Variants in ATXN2 observed in about 807,000 individuals in gnomAD.
The protein encoded by ATXN2 is ataxin 2, also known as ataxin-2.
In ATXN2, 37 loss-of-function variants were observed where a neutral mutation model predicts 138.6. The ratio of observed to expected loss-of-function variants is 0.27; its 90% CI spans 0.21 to 0.35. The LOEUF (loss-of-function observed/expected upper bound fraction) is 0.35. ATXN2 is among the 10% of genes least tolerant of loss of function. The pLI is 1.00. For missense variants in ATXN2, 1,216 were observed against 1,480.3 expected, an observed-to-expected ratio of 0.82 and a Z score of 2.93; for synonymous variants, 549 against 543.7, an observed-to-expected ratio of 1.01 and a Z score of -0.13.
chr12:111,497,924 G>A (rs753353470), intron 14 of ATXN2, among the ~76,000 whole-genome samples: 1 of 152,100 alleles, frequency 6.6e-6, no homozygotes, highest in Non-Finnish European at 1.5e-5. Flanking sequence ...GCTGAGGCAG[G>A]AGAACGGCAT....
chr12:111,470,912 T>G, intron 18 of ATXN2, 170 bp from the exon 19 acceptor site: 6 of 650,978 alleles, frequency 9.2e-6, no homozygotes, highest in East Asian at 2.8e-5. Flanking sequence ...TCATGCATGC[T>G]AGTCCTCAGC....
rs761131987 is a variant in ATXN2, at chr12:111,599,041, G to A, written c.-7C>T. 1 of 1,473,938 alleles carries A rather than the reference G, an allele frequency of 6.8e-7. No homozygotes were observed. The highest frequency in any genetic ancestry group is 9.0e-7 in the Non-Finnish European group (1 of 1,115,010). 91.3% of individuals were successfully genotyped at this position (1,473,938 alleles called of 1,614,324 possible). On this transcript the variant is annotated 5_prime_UTR_variant, in exon 1 of 25. Transcript: ENST00000673436. ...GCTGGGGCTTCAGCGACATGGTGAGGGGCCCATACACCGGCTCGCACGCCG... is the reference window on the plus strand; with the variant it reads ...GCTGGGGCTTCAGCGACATGGTGAGAGGCCCATACACCGGCTCGCACGCCG...
At chr12:111,581,360 C>T (rs1883994825) in intron 1 of ATXN2, 1 of 602,834 alleles carries the variant, frequency 1.7e-6, no homozygotes, top group Non-Finnish European at 3.1e-6. Context: ...CCGACCACAG[C>T]TGGTCTTCCC....
rs1374400575 is a variant in ATXN2 at position 111,589,011 on chromosome 12, A to AAAC, written c.251+9772_251+9773insGTT. On this transcript the variant is annotated intron_variant, in intron 1 of 24. Coordinates refer to ENST00000673436, the MANE Select transcript of ATXN2 (RefSeq NM_001372574.1). ...TTTCTCAAAAAAAAAAAAAAAAAAAAAAAAAAAAAAAAACTAAACCAAACT... is the reference window on the plus strand; with the variant it reads ...TTTCTCAAAAAAAAAAAAAAAAAAAAAACAAAAAAAAAAAAACTAAACCAAACT... 5.4e-5 allele frequency among the ~76,000 whole-genome samples: 8 copies of AAAC among 147,466 alleles called. 1 individual carries two copies. Among genetic ancestry groups the AAAC allele is most frequent in the Non-Finnish European group, 1.0e-4 (7 of 66,716 alleles).
At chr12:111,547,056 A>G (rs1288953841) in intron 5 of ATXN2, among the ~76,000 whole-genome samples, 1 of 152,256 alleles carries the variant, frequency 6.6e-6, no homozygotes, top group African/African-American at 2.4e-5. Context: ...ATGCATGAAT[A>G]TAACTTTTAA....
At chr12:111,592,509 A>G (rs1007991870) in intron 1 of ATXN2, among the ~76,000 whole-genome samples, 33 of 150,928 alleles carry the variant, frequency 2.2e-4, no homozygotes, top group African/African-American at 8.0e-4. Context: ...GCGGCCAAGC[A>G]CGGTGGCTCA....
intron 1 of ATXN2, among the ~76,000 whole-genome samples, chr12:111,594,643 T>TA (rs1884844602): frequency 6.6e-6 from 1 of 152,064 alleles, no homozygotes; most frequent in Admixed American, 6.6e-5. Context: ...AGGAATAGAG[T>TA]AACAATTGTA....
At chr12:111,510,350 T>G in intron 12 of ATXN2, 35 bp downstream of exon 12, 55 of 1,585,514 alleles carry the variant, frequency 3.5e-5, no homozygotes, top group Non-Finnish European at 4.3e-5. Context: ...ATTTCACAGC[T>G]GAGATTATGG....
At chr12:111,578,212 A>C (rs7398705) in intron 1 of ATXN2, among the ~76,000 whole-genome samples, 105,339 of 151,976 alleles carry the variant, frequency 0.69, 38,594 homozygotes, top group Non-Finnish European at 0.8. Context: ...ACAAAATAAG[A>C]AAGATATTTA....
chr12:111,581,494 T>TCC, intron 1 of ATXN2: 1 of 1,016,270 alleles, frequency 9.8e-7, no homozygotes, highest in Non-Finnish European at 1.6e-6. Flanking sequence ...ACAACCCTGC[T>TCC]CCCCCAATGT....
intron 14 of ATXN2, among the ~76,000 whole-genome samples, chr12:111,494,715 C>T (rs1479883179): frequency 6.6e-6 from 1 of 152,142 alleles, no homozygotes; most frequent in Non-Finnish European, 1.5e-5. Flanking sequence ...TGAACCACTG[C>T]ACCCAGCTGT....
At chr12:111,581,547 A>G in intron 1 of ATXN2, 2 of 972,906 alleles carry the variant, frequency 2.1e-6, no homozygotes, top group South Asian at 1.3e-5. Context: ...GTGCCCGACC[A>G]TGTCGTCTGG....
At chr12:111,550,505 T>G (rs1294059523) in intron 5 of ATXN2, among the ~76,000 whole-genome samples, 1 of 152,204 alleles carries the variant, frequency 6.6e-6, no homozygotes, top group African/African-American at 2.4e-5. Context: ...TGCTATGTAT[T>G]AAATTCAACT....
In ATXN2 at chr12:111,510,499, C is replaced by T. The variant is rs1260508021; in HGVS notation, c.1642G>A (p.Ala548Thr). 3.1e-6 allele frequency: 5 copies of T among 1,614,104 alleles called. No individual in the cohort carries two copies. Among genetic ancestry groups the T allele is most frequent in the Non-Finnish European group, 4.2e-6 (5 of 1,179,994 alleles). ...GGAATAATACCAGCTTGGGGAGAAG[C>T]AAGAACTGGCCCACTGGGGGTATTT... ...IGNTPSGPVLASPQAGIIPTE... is the reference protein window; with the variant it reads ...IGNTPSGPVLTSPQAGIIPTE... The change falls in exon 12 of 25, where the codon GCT (alanine) becomes ACT (threonine). Residue 548 changes from alanine to threonine, a missense_variant. This residue lies in a region of ATXN2 where 215 missense variants were observed against 210.0 expected (regional missense o/e 1.02). Transcript: ENST00000673436.
chr12:111,473,534 A>C (rs1255541820), intron 18 of ATXN2, among the ~76,000 whole-genome samples: 1 of 152,222 alleles, frequency 6.6e-6, no homozygotes, highest in Non-Finnish European at 1.5e-5. Context: ...AGAAGGGATG[A>C]AAGGAAAAGA....
chr12:111,568,402 C>A (rs2135809525), intron 1 of ATXN2, among the ~76,000 whole-genome samples: 1 of 152,188 alleles, frequency 6.6e-6, no homozygotes, highest in East Asian at 1.9e-4. Context: ...CATTTTTCAA[C>A]ACTCCTCCTC....
intron 1 of ATXN2, chr12:111,597,813 A>G (rs757702119): frequency 9.6e-6 from 12 of 1,252,864 alleles, no homozygotes; most frequent in Non-Finnish European, 1.3e-5. Flanking sequence ...CATTTCCGAA[A>G]TTGGGGCGGG....
intron 14 of ATXN2, among the ~76,000 whole-genome samples, chr12:111,494,311 TAG>T (rs955378820): frequency 4.6e-5 from 7 of 152,148 alleles, no homozygotes; most frequent in African/African-American, 1.4e-4. Context: ...AGATGAAGTG[TAG>T]AGTTTTTATT....
chr12:111,496,522 C>T (rs1257912185), intron 14 of ATXN2, among the ~76,000 whole-genome samples: 3 of 151,690 alleles, frequency 2.0e-5, no homozygotes, highest in African/African-American at 7.3e-5. Flanking sequence ...GGTGACAGAG[C>T]GAGACTCCAT....
Sources: gnomAD v4.1 joint callset for allele counts (sites outside exome capture counted in the v4.1 genomes callset) on GRCh38, gnomAD v4.1.1 for gene constraint, gnomAD v4.1.1 regional missense constraint, MANE v1.5 for transcripts, NCBI Gene and HGNC (gene_info 2026-07-23, HGNC 2026-07-21) for gene names.